The following VEPH1 variants were observed in gnomAD, a reference collection of about 807,000 sequenced individuals.
VEPH1 encodes the protein ventricular zone-expressed PH domain-containing protein homolog 1.
A neutral mutation model predicts 85.2 loss-of-function variants in VEPH1; 80 were observed. That is an observed-to-expected ratio of 0.94 (90% CI 0.78 to 1.13). The LOEUF (loss-of-function observed/expected upper bound fraction) is 1.13. VEPH1 is among the 50% of genes most tolerant of loss of function. VEPH1 has a pLI of 0.00. For synonymous variants in VEPH1, 297 were observed against 348.0 expected, an observed-to-expected ratio of 0.85 and a Z score of 1.63; for missense variants, 955 against 980.5, an observed-to-expected ratio of 0.97 and a Z score of 0.35.
At chr3:157,401,641 T>C (rs2108977277) in intron 6 of VEPH1, among the ~76,000 whole-genome samples, 1 of 152,240 alleles carries the variant, frequency 6.6e-6, no homozygotes, top group East Asian at 1.9e-4. Flanking sequence ...TTTCCTTAGC[T>C]AGGGAAAGTT....
Position 157,495,340 on chromosome 3 carries a change from G to T in VEPH1, c.10C>A (p.Leu4Met). 6.2e-7 allele frequency: 1 copy of T among 1,613,940 alleles called. No individual in the cohort carries two copies. Among genetic ancestry groups the T allele is most frequent in the Non-Finnish European group, 8.5e-7 (1 of 1,179,870 alleles). ...TTTTGTCCCAAAACCAGTCTGAACA[G>T]TTGATGCATGGTGAGGATGAGTTTG... MHQ[L>M]FRLVLGQKDL... The change falls in exon 2 of 14, where the codon CTG becomes ATG. Residue 4 changes from leucine to methionine, a missense_variant. Leu to Met is a conservative substitution (Grantham distance 15, BLOSUM62 2). Transcript: ENST00000362010.
intron 9 of VEPH1, among the ~76,000 whole-genome samples, chr3:157,330,937 C>A (rs73018221): frequency 1.3e-5 from 2 of 152,126 alleles, no homozygotes; most frequent in African/African-American, 4.8e-5. Flanking sequence ...CTGGTGGGAC[C>A]CACCCCATCC....
rs1430006583 is a variant in VEPH1, at chr3:157,326,368, TA to T, written c.1736-9168del. ...ATGGTGGGAATGGTGATAGAGTAGA[TA>T]TTCAACAGTTATAGGAGTACCAAAA... is the stretch of plus-strand genomic sequence containing the variant. On this transcript the variant is annotated intron_variant, in intron 9 of 13. Coordinates refer to ENST00000362010, the MANE Select transcript of VEPH1 (RefSeq NM_001167912.2). Among the ~76,000 whole-genome samples, 7 of 152,326 alleles carry T rather than the reference TA, an allele frequency of 4.6e-5. No individual in the cohort carries two copies. In the East Asian group the frequency reaches 1.3e-3, roughly 29 times the overall value.
chr3:157,378,229 G>C (rs939903512), intron 7 of VEPH1, among the ~76,000 whole-genome samples: 1 of 150,262 alleles, frequency 6.7e-6, no homozygotes, highest in African/African-American at 2.5e-5. Flanking sequence ...TGCTGGCCTT[G>C]ACTCTCCTGG....
intron 9 of VEPH1, among the ~76,000 whole-genome samples, chr3:157,328,187 G>A (rs1722134302): frequency 6.6e-6 from 1 of 152,028 alleles, no homozygotes; most frequent in South Asian, 2.1e-4. Context: ...GAAAGTGCTG[G>A]ACAAAGTGGA....
chr3:157,281,101 T>TGTGTGTGA lies in VEPH1; in HGVS notation c.2128+5455_2128+5456insTCACACAC, dbSNP rs371002819. On this transcript the variant is annotated intron_variant, in intron 12 of 13. Coordinates refer to ENST00000362010, the MANE Select transcript of VEPH1 (RefSeq NM_001167912.2). Reference sequence around the variant, plus strand: ...GCATATGTGTGCGTGTGTGTGTGTGTGAGAGAGAGAGAGAGAGACAGAGAA... The same window carrying TGTGTGTGA: ...GCATATGTGTGCGTGTGTGTGTGTGTGTGTGTGAGAGAGAGAGAGAGAGAGACAGAGAA... Among the ~76,000 whole-genome samples, 127 of 148,660 alleles carry TGTGTGTGA rather than the reference T, an allele frequency of 8.5e-4. 1 individual carries two copies. The highest frequency in any genetic ancestry group is 3.2e-3 in the South Asian group (15 of 4,676).
At chr3:157,453,282 A>G (rs1735116877) in intron 4 of VEPH1, among the ~76,000 whole-genome samples, 2 of 152,170 alleles carry the variant, frequency 1.3e-5, no homozygotes, top group Admixed American at 1.3e-4. Flanking sequence ...ATGTGTGCCA[A>G]GGAGGAGTTG....
At chr3:157,395,282 C>A (rs1730256872) in intron 6 of VEPH1, among the ~76,000 whole-genome samples, 1 of 152,186 alleles carries the variant, frequency 6.6e-6, no homozygotes, top group Non-Finnish European at 1.5e-5. Flanking sequence ...CCTGTCCCTT[C>A]CATAATGGAA....
chr3:157,468,732 G>A (rs770787044), intron 3 of VEPH1, among the ~76,000 whole-genome samples: 10 of 152,020 alleles, frequency 6.6e-5, no homozygotes, highest in East Asian at 1.9e-4. Context: ...TTCTTTTTAC[G>A]TAAGTGGCTA....
At chr3:157,345,041 G>T (rs1416059455) in intron 9 of VEPH1, among the ~76,000 whole-genome samples, 1 of 152,176 alleles carries the variant, frequency 6.6e-6, no homozygotes, top group South Asian at 2.1e-4. Context: ...ATGGATTAAA[G>T]ATTTAAATGT....
At chr3:157,397,424 G>C (rs537352464) in intron 6 of VEPH1, among the ~76,000 whole-genome samples, 1 of 152,116 alleles carries the variant, frequency 6.6e-6, no homozygotes, top group Admixed American at 6.5e-5. Context: ...CTCTTTTTTG[G>C]TTCCATATGA....
At chr3:157,322,024 T>C (rs940509430) in intron 9 of VEPH1, among the ~76,000 whole-genome samples, 1 of 152,154 alleles carries the variant, frequency 6.6e-6, no homozygotes, top group African/African-American at 2.4e-5. Flanking sequence ...TACATTCACA[T>C]TGTTGTGCAA....
At chr3:157,370,309 T>C (rs1050888690) in intron 7 of VEPH1, among the ~76,000 whole-genome samples, 4 of 152,204 alleles carry the variant, frequency 2.6e-5, no homozygotes, top group Admixed American at 1.3e-4. Flanking sequence ...CCTCTCTTCC[T>C]GGCTCCTTAA....
intron 13 of VEPH1, 123 bp from the exon 14 acceptor site, chr3:157,261,493 T>C: frequency 6.8e-7 from 1 of 1,463,080 alleles, no homozygotes; most frequent in Non-Finnish European, 9.1e-7. Context: ...AGACCTTTGT[T>C]ATTTTGGGTG....
rs936656775 is a variant in VEPH1 at position 157,437,890 on chromosome 3, G to C, written c.530-9402C>G. 1.1e-5 allele frequency: 17 copies of C among 1,520,174 alleles called. No homozygotes were observed. The highest frequency in any genetic ancestry group is 1.0e-4 in the Admixed American group (5 of 49,426). 94.2% of individuals were successfully genotyped at this position (1,520,174 alleles called of 1,614,324 possible). A position where few individuals can be genotyped will look rare whatever the true frequency, so the allele number is the denominator to read the frequency against. On this transcript the variant is annotated intron_variant, in intron 4 of 13. Transcript: ENST00000362010. Reference sequence around the variant, plus strand: ...CGACCTGCACGCGGTGCAGGGCTGGGCTGCCCGGAGCTGGCTGCCGGCAGG... The same window carrying C: ...CGACCTGCACGCGGTGCAGGGCTGGCCTGCCCGGAGCTGGCTGCCGGCAGG...
intron 5 of VEPH1, among the ~76,000 whole-genome samples, chr3:157,416,900 G>A (rs868655687): frequency 1.3e-5 from 2 of 151,544 alleles, no homozygotes; most frequent in African/African-American, 4.9e-5. Context: ...GAAAGAGAAA[G>A]GAAGGACGGA....
At chr3:157,491,580 T>C (rs1739214901) in intron 2 of VEPH1, among the ~76,000 whole-genome samples, 1 of 152,160 alleles carries the variant, frequency 6.6e-6, no homozygotes, top group Non-Finnish European at 1.5e-5. Flanking sequence ...GACTGGACAG[T>C]AAAATCTAGT....
intron 7 of VEPH1, 127 bp downstream of exon 7, chr3:157,381,029 A>G (rs933046465): frequency 5.6e-6 from 5 of 897,484 alleles, no homozygotes; most frequent in Non-Finnish European, 8.7e-6. Flanking sequence ...CATAATTTAT[A>G]CAGATATTAT....
chr3:157,323,279 CTG>C (rs1378231135), intron 9 of VEPH1, among the ~76,000 whole-genome samples: 1 of 152,108 alleles, frequency 6.6e-6, no homozygotes, highest in Non-Finnish European at 1.5e-5. Flanking sequence ...TTTGAAATAA[CTG>C]TTTGAAATTA....
Sources: allele counts gnomAD v4.1 joint callset (sites outside exome capture counted in the v4.1 genomes callset), GRCh38; gene constraint gnomAD v4.1.1; transcripts MANE v1.5; gene names NCBI Gene and HGNC (gene_info 2026-07-23, HGNC 2026-07-21).